Variants in PDLIM1 observed in about 807,000 individuals in gnomAD.
The protein encoded by PDLIM1 is PDZ and LIM domain 1.
PDLIM1 carries 25 observed loss-of-function variants against 35.2 expected under a neutral mutation model. That is an observed-to-expected ratio of 0.71 (90% confidence interval 0.52 to 0.99). The LOEUF (loss-of-function observed/expected upper bound fraction) is 0.99. PDLIM1 is among the 50% of genes least tolerant of loss of function. PDLIM1 has a pLI of 0.00. For missense variants in PDLIM1, 363 were observed against 415.3 expected (o/e 0.87, Z 1.09); for synonymous variants, 152 against 154.0 (o/e 0.99, Z 0.10).
chr10:95,266,584 C>T (rs1435041840), intron 3 of PDLIM1, among the ~76,000 whole-genome samples: 1 of 152,104 alleles, frequency 6.6e-6, no homozygotes, highest in Non-Finnish European at 1.5e-5. Flanking sequence ...GCCTTCTTTA[C>T]AAGGATTTGT....
chr10:95,256,990 G>GAAAAGAAAAGAAAAGAAAAGAAAAGA (rs372697818), intron 4 of PDLIM1, among the ~76,000 whole-genome samples: 7 of 90,512 alleles, frequency 7.7e-5, no homozygotes, highest in South Asian at 3.6e-4. Flanking sequence ...AAAAAAAAAA[G>GAAAAGAAAAGAAAAGAAAAGAAAAGA]AAAGAAAGAA....
chr10:95,246,581 T>C (rs543325723), intron 5 of PDLIM1, among the ~76,000 whole-genome samples: 3 of 152,304 alleles, frequency 2.0e-5, no homozygotes, highest in Admixed American at 6.5e-5. Context: ...TTTACACAAC[T>C]TATGCCATTT....
intron 4 of PDLIM1, among the ~76,000 whole-genome samples, chr10:95,249,346 G>C (rs2035248664): frequency 6.6e-6 from 1 of 152,250 alleles, no homozygotes; most frequent in African/African-American, 2.4e-5. Flanking sequence ...AGAAAGGCCA[G>C]TGTGCCCAGT....
intron 1 of PDLIM1, among the ~76,000 whole-genome samples, chr10:95,284,947 T>C (rs2035589116): frequency 6.6e-6 from 1 of 152,230 alleles, no homozygotes; most frequent in Non-Finnish European, 1.5e-5. Flanking sequence ...CACAGGGTGC[T>C]AACAGCCATA....
rs71486754 is a variant in PDLIM1, at chr10:95,247,046, CCTCT to C, written c.685+165_685+168del. On this transcript the variant is annotated intron_variant, in intron 5 of 6. Transcript: ENST00000329399. ...GGGAAAATGTGGTCAGCACTCTCTTCCTCTCTCTCTCTCTCTCTCCCTCTATCTC... is the reference window on the plus strand; with the variant it reads ...GGGAAAATGTGGTCAGCACTCTCTTCCTCTCTCTCTCTCTCCCTCTATCTC... 9.1e-3 allele frequency among the ~76,000 whole-genome samples: 1,357 copies of C among 149,442 alleles called. 8 individuals are homozygous for C. The highest frequency in any genetic ancestry group is 0.013 in the Non-Finnish European group (891 of 67,146).
intron 2 of PDLIM1, 92 bp downstream of exon 2, chr10:95,271,541 G>T: frequency 1.8e-6 from 2 of 1,091,478 alleles, no homozygotes; most frequent in South Asian, 1.6e-5. Flanking sequence ...GAGCTAGGAG[G>T]TCTGGGGGAT....
intron 1 of PDLIM1, among the ~76,000 whole-genome samples, chr10:95,288,632 C>A (rs1165247390): frequency 6.6e-6 from 1 of 152,038 alleles, no homozygotes; most frequent in Admixed American, 6.5e-5. Context: ...TGGACCAGCA[C>A]CAGATCTCAG....
intron 1 of PDLIM1, among the ~76,000 whole-genome samples, chr10:95,273,802 A>G (rs978702192): frequency 2.0e-5 from 3 of 152,198 alleles, no homozygotes; most frequent in African/African-American, 7.2e-5. Flanking sequence ...CAGTGCATGC[A>G]ATAAAAAAAA....
chr10:95,265,853 A>G (rs1294103026), intron 3 of PDLIM1, among the ~76,000 whole-genome samples: 1 of 152,166 alleles, frequency 6.6e-6, no homozygotes, highest in African/African-American at 2.4e-5. Flanking sequence ...AGTGTGCCAT[A>G]TCGTGCCACT....
intron 1 of PDLIM1, among the ~76,000 whole-genome samples, chr10:95,272,667 AAAT>A (rs1283813185): frequency 2.0e-5 from 3 of 152,016 alleles, no homozygotes; most frequent in South Asian, 4.2e-4. Flanking sequence ...TCGTCTCAAA[AAAT>A]AATAATAATA....
At position 95,238,697 on chromosome 10, in the gene PDLIM1, A is replaced by G; in HGVS notation, c.686-12T>C. 6.5e-7 allele frequency: 1 copy of G among 1,537,182 alleles called. No homozygotes were observed. Among genetic ancestry groups the G allele is most frequent in the Non-Finnish European group, 9.0e-7 (1 of 1,110,024 alleles). The stretch of plus-strand genomic sequence containing the variant: ...CTTGTTGGGATCCCCTGAAATGAGG[A>G]AAACACTGTCATTGGCCAGGAAGGG... On this transcript the variant is annotated splice_polypyrimidine_tract_variant and intron_variant, in intron 5 of 6. Transcript: ENST00000329399.
chr10:95,269,836 A>C (rs1239311028), intron 2 of PDLIM1, among the ~76,000 whole-genome samples: 1 of 152,084 alleles, frequency 6.6e-6, no homozygotes, highest in Non-Finnish European at 1.5e-5. Flanking sequence ...CCCAGGCTCA[A>C]GCGATTCTCC....
Position 95,237,844 on chromosome 10 carries a change from T to G in PDLIM1, c.*81A>C. ...GAAAACCAAAGTAAGCAGAGAACTT[T>G]CAAGAGAGGAGAGGGCCAGAACACT... is the stretch of plus-strand genomic sequence containing the variant. On this transcript the variant is annotated 3_prime_UTR_variant, in exon 7 of 7. Coordinates refer to ENST00000329399, the MANE Select transcript of PDLIM1 (RefSeq NM_020992.4). The G allele has an allele frequency of 8.0e-6, 10 of 1,254,930 alleles. No homozygotes were observed. The highest frequency in any genetic ancestry group is 7.8e-6 in the Non-Finnish European group (7 of 894,326). 77.7% of individuals were successfully genotyped at this position (1,254,930 alleles called of 1,614,324 possible). A position where few individuals can be genotyped will look rare whatever the true frequency, so the allele number is the denominator to read the frequency against.
At position 95,283,976 on chromosome 10, in the gene PDLIM1, T is replaced by TC. The variant is rs1387443317; in HGVS notation, c.96+6843_96+6844insG. On this transcript the variant is annotated intron_variant, in intron 1 of 6. Coordinates refer to ENST00000329399, the MANE Select transcript of PDLIM1 (RefSeq NM_020992.4). ...ACTCTTCACTCTTAGGTATGGCCTT[T>TC]TTCTCTGTGTGTGTGTGTGTGTGTG... 7.1e-3 allele frequency among the ~76,000 whole-genome samples: 122 copies of TC among 17,218 alleles called. 1 individual carries two copies. The highest frequency in any genetic ancestry group is 0.033 in the South Asian group (9 of 272). 11.3% of individuals were successfully genotyped at this position (17,218 alleles called of 152,430 possible).
At chr10:95,275,478 C>A (rs1441244538) in intron 1 of PDLIM1, among the ~76,000 whole-genome samples, 2 of 152,168 alleles carry the variant, frequency 1.3e-5, no homozygotes, top group African/African-American at 4.8e-5. Flanking sequence ...CAATAAATAT[C>A]TGTATAATAA....
At position 95,275,073 on chromosome 10, in the gene PDLIM1, C is replaced by T. The variant is rs142773966; in HGVS notation, c.97-3289G>A. ...CTTCCCCAGTTACTCCTGTAAATAA[C>T]ACCCCTATTGTAGAACCTAAGATTG... On this transcript the variant is annotated intron_variant, in intron 1 of 6. Coordinates refer to ENST00000329399, the MANE Select transcript of PDLIM1 (RefSeq NM_020992.4). Among the ~76,000 whole-genome samples the T allele has an allele frequency of 3.8e-4, 58 of 152,294 alleles. 1 individual carries two copies. Among genetic ancestry groups the T allele is most frequent in the Admixed American group, 1.5e-3 (23 of 15,298 alleles).
intron 1 of PDLIM1, among the ~76,000 whole-genome samples, chr10:95,280,980 C>G (rs1037156246): frequency 3.3e-5 from 5 of 152,190 alleles, no homozygotes; most frequent in Non-Finnish European, 7.3e-5. Context: ...CCACCAAAGA[C>G]AGCCTATACA....
intron 1 of PDLIM1, among the ~76,000 whole-genome samples, chr10:95,277,821 T>A: frequency 6.6e-6 from 1 of 152,208 alleles, no homozygotes; most frequent in East Asian, 1.9e-4. Context: ...AAGTTCATAA[T>A]GCATCTTTAA....
At chr10:95,242,163 T>G (rs1314279311) in intron 5 of PDLIM1, among the ~76,000 whole-genome samples, 4 of 152,036 alleles carry the variant, frequency 2.6e-5, no homozygotes, top group Non-Finnish European at 4.4e-5. Context: ...TGGGGAAGAC[T>G]CAGTTCTGCC....
Sources: allele counts gnomAD v4.1 joint callset (sites outside exome capture counted in the v4.1 genomes callset), GRCh38; gene constraint gnomAD v4.1.1; transcripts MANE v1.5; gene names NCBI Gene and HGNC (gene_info 2026-07-23, HGNC 2026-07-21).